Variants in RALYL observed in about 807,000 individuals in gnomAD.
The protein encoded by RALYL is RALY RNA binding protein like.
In RALYL, 29 loss-of-function variants were observed where a neutral mutation model predicts 35.1. That is an observed-to-expected ratio of 0.83 (90% CI 0.61 to 1.13). The LOEUF (loss-of-function observed/expected upper bound fraction) is 1.13. RALYL is among the 50% of genes most tolerant of loss of function. The pLI is 0.00. For missense variants in RALYL, 359 were observed against 360.4 expected, an observed-to-expected ratio of 1.00 and a Z score of 0.03; for synonymous variants, 120 against 127.6, an observed-to-expected ratio of 0.94 and a Z score of 0.40.
rs1426731792 is a variant in RALYL, at chr8:84,480,680, TC to T, written c.-23-48617del. ...GTTCAAGATAGGGGACTTTTGGAGTTCCTATTGTGTTGAAAAAAGAAGCCAT... is the reference window on the plus strand; with the variant it reads ...GTTCAAGATAGGGGACTTTTGGAGTTCTATTGTGTTGAAAAAAGAAGCCAT... On this transcript the variant is annotated intron_variant, in intron 1 of 8. Coordinates refer to ENST00000521268, the MANE Select transcript of RALYL (RefSeq NM_173848.7). 5.3e-5 allele frequency among the ~76,000 whole-genome samples: 8 copies of T among 152,180 alleles called. No individual in the cohort carries two copies. The South Asian group carries it at 1.7e-3, about 32-fold the overall frequency.
chr8:84,289,704 A>G (rs1268388483), intron 1 of RALYL, among the ~76,000 whole-genome samples: 2 of 152,152 alleles, frequency 1.3e-5, no homozygotes, highest in African/African-American at 4.8e-5. Flanking sequence ...GTGAAATTAA[A>G]CTTTAAAAGA....
At chr8:84,310,201 C>T (rs966442004) in intron 1 of RALYL, among the ~76,000 whole-genome samples, 2 of 151,952 alleles carry the variant, frequency 1.3e-5, no homozygotes, top group African/African-American at 4.8e-5. Context: ...TACCACTACT[C>T]CTGGCTAATT....
intron 2 of RALYL, among the ~76,000 whole-genome samples, chr8:84,612,763 C>T (rs753222962): frequency 6.6e-6 from 1 of 151,452 alleles, no homozygotes; most frequent in African/African-American, 2.4e-5. Context: ...ATTTAAATGT[C>T]CTCTGAATAA....
intron 1 of RALYL, among the ~76,000 whole-genome samples, chr8:84,251,809 TG>T (rs570604324): frequency 7.0e-4 from 107 of 152,194 alleles, no homozygotes; most frequent in African/African-American, 2.5e-3. Context: ...TTATTACATT[TG>T]TTTTTTTCTT....
intron 2 of RALYL, among the ~76,000 whole-genome samples, chr8:84,770,336 G>A (rs566304664): frequency 1.3e-5 from 2 of 151,264 alleles, no homozygotes; most frequent in Admixed American, 6.6e-5. Context: ...TAGAATAACA[G>A]CCTCCAGTTC....
chr8:84,193,768 C>G (rs964786036), intron 1 of RALYL, among the ~76,000 whole-genome samples: 2 of 152,184 alleles, frequency 1.3e-5, no homozygotes, highest in Non-Finnish European at 2.9e-5. Flanking sequence ...TACATCACTT[C>G]TCTAGGAACA....
At chr8:84,474,113 T>C (rs896619452) in intron 1 of RALYL, among the ~76,000 whole-genome samples, 4 of 152,096 alleles carry the variant, frequency 2.6e-5, no homozygotes, top group Admixed American at 2.6e-4. Context: ...CTTTCAAAAA[T>C]TGATTTATTG....
At chr8:84,756,478 G>T (rs1294188677) in intron 2 of RALYL, among the ~76,000 whole-genome samples, 4 of 152,042 alleles carry the variant, frequency 2.6e-5, no homozygotes, top group African/African-American at 9.7e-5. Flanking sequence ...TGTTGATTTT[G>T]CTAGCTTTGA....
At chr8:84,457,822 T>G (rs148589971) in intron 1 of RALYL, among the ~76,000 whole-genome samples, 251 of 151,992 alleles carry the variant, frequency 1.7e-3, no homozygotes, top group African/African-American at 5.9e-3. Flanking sequence ...CCTCCTTTTT[T>G]TCTATAATTA....
intron 2 of RALYL, among the ~76,000 whole-genome samples, chr8:84,658,025 T>A (rs1489854980): frequency 2.4e-4 from 37 of 152,102 alleles, no homozygotes; most frequent in Admixed American, 2.2e-3. Flanking sequence ...AATAACAGGA[T>A]GGGAGGTTGG....
intron 1 of RALYL, among the ~76,000 whole-genome samples, chr8:84,338,508 A>G (rs1018214570): frequency 1.3e-5 from 2 of 151,914 alleles, no homozygotes; most frequent in African/African-American, 4.8e-5. Flanking sequence ...AGTATTATTA[A>G]CAAGATTAAC....
At chr8:84,903,415 C>T (rs954849062) in intron 8 of RALYL, among the ~76,000 whole-genome samples, 1 of 152,074 alleles carries the variant, frequency 6.6e-6, no homozygotes, top group Non-Finnish European at 1.5e-5. Flanking sequence ...TTGAATCCCA[C>T]CCCATCCCCA....
intron 1 of RALYL, among the ~76,000 whole-genome samples, chr8:84,277,051 A>G (rs527622819): frequency 2.0e-5 from 3 of 152,350 alleles, no homozygotes; most frequent in Non-Finnish European, 2.9e-5. Flanking sequence ...ATATTTTTAT[A>G]TCTCTACTGT....
intron 1 of RALYL, among the ~76,000 whole-genome samples, chr8:84,515,896 C>T (rs940035279): frequency 1.3e-5 from 2 of 151,976 alleles, no homozygotes; most frequent in African/African-American, 4.8e-5. Flanking sequence ...CAACAAAATT[C>T]ATCGTATGAT....
intron 3 of RALYL, among the ~76,000 whole-genome samples, chr8:84,800,950 G>T (rs1823100850): frequency 6.6e-6 from 1 of 152,132 alleles, no homozygotes; most frequent in Non-Finnish European, 1.5e-5. Flanking sequence ...GCTCTAAATA[G>T]AAAATCTCAT....
At chr8:84,222,639 A>C (rs971096255) in intron 1 of RALYL, among the ~76,000 whole-genome samples, 2 of 152,136 alleles carry the variant, frequency 1.3e-5, no homozygotes, top group African/African-American at 4.8e-5. Context: ...TATAAGTAAC[A>C]CTATTCTATG....
chr8:84,407,071 C>CAA (rs2043611123), intron 1 of RALYL, among the ~76,000 whole-genome samples: 1 of 128,314 alleles, frequency 7.8e-6, no homozygotes, highest in Non-Finnish European at 1.7e-5. Flanking sequence ...CACACACAAA[C>CAA]ACACACACAC....
intron 3 of RALYL, 58 bp downstream of exon 3, chr8:84,774,712 T>C: frequency 3.6e-6 from 4 of 1,100,642 alleles, no homozygotes; most frequent in Non-Finnish European, 5.4e-6. Flanking sequence ...TGCAGCTTTA[T>C]AAGGCAATAT....
chr8:84,232,990 C>G (rs564086450), intron 1 of RALYL, among the ~76,000 whole-genome samples: 39 of 151,698 alleles, frequency 2.6e-4, no homozygotes, highest in African/African-American at 9.2e-4. Flanking sequence ...TTCTTTTTTT[C>G]TTTTTTTAAA....
Sources: allele counts gnomAD v4.1 joint callset (sites outside exome capture counted in the v4.1 genomes callset), GRCh38; gene constraint gnomAD v4.1.1; transcripts MANE v1.5; gene names NCBI Gene and HGNC (gene_info 2026-07-23, HGNC 2026-07-21).